GABRB2: variants seen among roughly 807,000 people sequenced by gnomAD.
The protein encoded by GABRB2 is gamma-aminobutyric acid receptor subunit beta-2.
Under a neutral mutation model 54.7 loss-of-function variants are expected in GABRB2, and 16 were observed. The observed-to-expected ratio is 0.29, with a 90% CI of 0.20 to 0.44. The LOEUF is 0.44. GABRB2 is among the 20% of genes least tolerant of loss of function. The pLI is 1.00. For synonymous variants in GABRB2, 244 were observed against 233.8 expected, an observed-to-expected ratio of 1.04 and a Z score of -0.40; for missense variants, 355 against 644.0, an observed-to-expected ratio of 0.55 and a Z score of 4.86.
At chr5:161,455,860 G>T (rs747500839) in intron 4 of GABRB2, among the ~76,000 whole-genome samples, 4 of 152,030 alleles carry the variant, frequency 2.6e-5, no homozygotes, top group Non-Finnish European at 4.4e-5. Context: ...CAGACAAGCT[G>T]AAAGAACAAT....
rs902509673 is a variant in GABRB2, at chr5:161,288,500, A to G, written c.*5581T>C. The G allele has an allele frequency of 6.6e-6, 1 of 152,648 alleles. No homozygotes were observed. Among genetic ancestry groups the G allele is most frequent in the African/African-American group, 2.4e-5 (1 of 41,464 alleles). The allele number at this position is 152,648 out of a possible 1,614,324, so 9.5% of individuals were successfully genotyped here. On this transcript the variant is annotated 3_prime_UTR_variant, in exon 10 of 10. Transcript: ENST00000393959. Reference sequence around the variant, plus strand: ...CACTAGCCAACATTATTATATATTTACATGCTGAAACTGGCTGCAATAAGT... The same window carrying G: ...CACTAGCCAACATTATTATATATTTGCATGCTGAAACTGGCTGCAATAAGT...
intron 4 of GABRB2, among the ~76,000 whole-genome samples, chr5:161,416,706 A>AAAAAAAAAAAAAAAAAAAAAAAAAAAAC (rs1756684196): frequency 7.2e-6 from 1 of 139,220 alleles, no homozygotes; most frequent in Non-Finnish European, 1.5e-5. Flanking sequence ...CAAAAAAAAA[A>AAAAAAAAAAAAAAAAAAAAAAAAAAAAC]AAAAAAAAAA....
chr5:161,443,869 A>G (rs1757534630), intron 4 of GABRB2, among the ~76,000 whole-genome samples: 1 of 152,182 alleles, frequency 6.6e-6, no homozygotes, highest in Non-Finnish European at 1.5e-5. Flanking sequence ...CCATAAATTA[A>G]CCCTTAATGA....
intron 9 of GABRB2, among the ~76,000 whole-genome samples, chr5:161,306,092 A>T (rs1035194499): frequency 6.6e-6 from 1 of 151,550 alleles, no homozygotes; most frequent in South Asian, 2.1e-4. Flanking sequence ...TGGAGGACTC[A>T]TGGTTCTCTC....
intron 5 of GABRB2, among the ~76,000 whole-genome samples, chr5:161,373,544 C>A (rs935681990): frequency 6.6e-6 from 1 of 152,200 alleles, no homozygotes; most frequent in South Asian, 2.1e-4. Flanking sequence ...ACCCTTTCTA[C>A]TTTCACTTTG....
intron 3 of GABRB2, among the ~76,000 whole-genome samples, chr5:161,506,276 T>C (rs376533428): frequency 6.6e-6 from 1 of 152,046 alleles, no homozygotes; most frequent in Non-Finnish European, 1.5e-5. Flanking sequence ...TGAAGACATA[T>C]GAAAAAGAAA....
chr5:161,328,755 T>C (rs753868005), intron 8 of GABRB2, among the ~76,000 whole-genome samples: 88 of 152,130 alleles, frequency 5.8e-4, no homozygotes, highest in Non-Finnish European at 1.2e-3. Flanking sequence ...TCCTGCACAC[T>C]GCCAAATGTG....
intron 5 of GABRB2, among the ~76,000 whole-genome samples, chr5:161,390,621 G>C (rs1755789982): frequency 1.3e-5 from 2 of 152,028 alleles, no homozygotes; most frequent in African/African-American, 4.8e-5. Flanking sequence ...AGGCGAAGTT[G>C]GGTGAAGAGC....
chr5:161,379,351 A>C (rs1320630736), intron 5 of GABRB2, among the ~76,000 whole-genome samples: 1 of 152,152 alleles, frequency 6.6e-6, no homozygotes, highest in East Asian at 1.9e-4. Flanking sequence ...TAATATTCCA[A>C]GAATTACTAC....
intron 6 of GABRB2, among the ~76,000 whole-genome samples, chr5:161,335,312 G>A (rs1753960076): frequency 6.6e-6 from 1 of 152,146 alleles, no homozygotes; most frequent in Admixed American, 6.5e-5. Flanking sequence ...CTCTTCTCAA[G>A]ACACAGATTG....
intron 5 of GABRB2, among the ~76,000 whole-genome samples, chr5:161,377,033 A>G (rs1300650904): frequency 6.6e-6 from 1 of 152,172 alleles, no homozygotes; most frequent in Admixed American, 6.6e-5. Context: ...ACCATGTAAT[A>G]ATATTCAAAG....
At chr5:161,429,405 G>A (rs1469756256) in intron 4 of GABRB2, among the ~76,000 whole-genome samples, 1 of 140,160 alleles carries the variant, frequency 7.1e-6, no homozygotes, top group Non-Finnish European at 1.5e-5. Flanking sequence ...ATGATTGGAA[G>A]CTGAGGCAGC....
At chr5:161,537,749 G>C (rs952645830) in intron 3 of GABRB2, among the ~76,000 whole-genome samples, 1 of 151,866 alleles carries the variant, frequency 6.6e-6, no homozygotes, top group East Asian at 1.9e-4. Context: ...CTATTTCATG[G>C]GCCCCTACAG....
At chr5:161,471,575 CA>C (rs1758439412) in intron 3 of GABRB2, among the ~76,000 whole-genome samples, 2 of 152,028 alleles carry the variant, frequency 1.3e-5, no homozygotes. Context: ...CACAAATGCA[CA>C]TGGTCCAGGC....
intron 3 of GABRB2, among the ~76,000 whole-genome samples, chr5:161,534,506 C>A (rs1056778738): frequency 2.0e-5 from 3 of 152,100 alleles, no homozygotes; most frequent in African/African-American, 7.2e-5. Flanking sequence ...ATGCATGATG[C>A]GCTTCTGAAA....
Position 161,304,750 on chromosome 5 carries a change from G to T in GABRB2, c.1192-10322C>A, listed in dbSNP as rs546535365. ...AGATGAATGTTAAATTTTGGGGAGA[G>T]AACAGTACATTCGAATTGTTACATT... On this transcript the variant is annotated intron_variant, in intron 9 of 9. Transcript: ENST00000393959. Among the ~76,000 whole-genome samples the T allele has an allele frequency of 6.0e-4, 91 of 151,796 alleles. 1 individual carries two copies. Among genetic ancestry groups the T allele is most frequent in the Non-Finnish European group, 1.2e-3 (82 of 67,928 alleles).
At chr5:161,495,776 C>T (rs945855246) in intron 3 of GABRB2, among the ~76,000 whole-genome samples, 1 of 152,054 alleles carries the variant, frequency 6.6e-6, no homozygotes, top group East Asian at 1.9e-4. Context: ...CTGTGTGAGA[C>T]TTCCTCATGA....
chr5:161,312,951 G>A (rs1757916704), intron 9 of GABRB2, among the ~76,000 whole-genome samples: 1 of 152,170 alleles, frequency 6.6e-6, no homozygotes. Context: ...GACATCATTA[G>A]CAGTCCAGAT....
chr5:161,327,076 A>AC, intron 8 of GABRB2: 40 of 550,416 alleles, frequency 7.3e-5, no homozygotes, highest in South Asian at 7.8e-5. Context: ...ACACACACAC[A>AC]AACTAGAAGA....
Sources: gnomAD v4.1 joint callset for allele counts (sites outside exome capture counted in the v4.1 genomes callset) on GRCh38, gnomAD v4.1.1 for gene constraint, MANE v1.5 for transcripts, NCBI Gene and HGNC (gene_info 2026-07-23, HGNC 2026-07-21) for gene names.